Variants in STEAP4 observed in about 807,000 individuals in gnomAD.
STEAP4 encodes the protein STEAP4 metalloreductase.
In STEAP4, 36 loss-of-function variants were observed where a neutral mutation model predicts 43.6. The ratio of observed to expected loss-of-function variants is 0.83; its 90% CI spans 0.63 to 1.09. STEAP4 has a LOEUF of 1.09. STEAP4 is among the 50% of genes least tolerant of loss of function. The pLI, the probability that STEAP4 is intolerant of heterozygous loss-of-function variation, is 0.00. For synonymous variants in STEAP4, 191 were observed against 196.7 expected, an observed-to-expected ratio of 0.97 and a Z score of 0.24; for missense variants, 495 against 546.5, an observed-to-expected ratio of 0.91 and a Z score of 0.94.
intron 1 of STEAP4, among the ~76,000 whole-genome samples, chr7:88,288,849 T>C (rs1408895792): frequency 6.6e-6 from 1 of 152,100 alleles, no homozygotes; most frequent in Non-Finnish European, 1.5e-5. Context: ...AAGTTAAAAC[T>C]AAACTGAAAT....
chr7:88,291,653 A>G (rs1440716127), intron 1 of STEAP4, among the ~76,000 whole-genome samples: 1 of 152,190 alleles, frequency 6.6e-6, no homozygotes, highest in African/African-American at 2.4e-5. Flanking sequence ...ATATACGTTC[A>G]TGGAGGTTCC....
chr7:88,274,092 G>A lies in STEAP4; in HGVS notation c.*5306C>T, dbSNP rs1852477107. On this transcript the variant is annotated 3_prime_UTR_variant, in exon 5 of 5. Coordinates refer to ENST00000380079, the MANE Select transcript of STEAP4 (RefSeq NM_024636.4). Reference sequence around the variant, plus strand: ...TTATATCGTTGTGTTAAAAGGAGATGGGCCTGGAGTCAGACTGCCTAGATC... The same window carrying A: ...TTATATCGTTGTGTTAAAAGGAGATAGGCCTGGAGTCAGACTGCCTAGATC... 6.6e-6 allele frequency: 1 copy of A among 152,178 alleles called. No homozygotes were observed. Among genetic ancestry groups the A allele is most frequent in the African/African-American group, 2.4e-5 (1 of 41,446 alleles). The allele number at this position is 152,178 out of a possible 1,614,324, so 9.4% of individuals were successfully genotyped here. A position where few individuals can be genotyped will look rare whatever the true frequency, so the allele number is the denominator to read the frequency against.
At chr7:88,282,291 G>A (rs2115955328) in intron 3 of STEAP4, 1 of 211,146 alleles carries the variant, frequency 4.7e-6, no homozygotes, top group Non-Finnish European at 9.5e-6. Flanking sequence ...TGGGATTAGA[G>A]GTACCCGCCA....
rs554215541 is a variant in STEAP4, at chr7:88,293,269, C to A, written c.-2-8998G>T. On this transcript the variant is annotated intron_variant, in intron 1 of 4. Transcript: ENST00000380079. ...CTGTGTGTCCTCTTTGGTGAGAAGT[C>A]TCTTCATGTATTTTGCTTATTTTCT... Among the ~76,000 whole-genome samples, 58 of 152,046 alleles carry A rather than the reference C, an allele frequency of 3.8e-4. 1 individual carries two copies. In the Middle Eastern group the frequency reaches 0.01, roughly 27 times the overall value.
chr7:88,300,037 G>T (rs1373622763), intron 1 of STEAP4, among the ~76,000 whole-genome samples: 3 of 152,196 alleles, frequency 2.0e-5, no homozygotes. Context: ...AGATGGAGCT[G>T]CTGGCTATAA....
intron 1 of STEAP4, among the ~76,000 whole-genome samples, chr7:88,285,081 C>T (rs937330629): frequency 4.0e-5 from 6 of 151,894 alleles, no homozygotes; most frequent in Admixed American, 6.6e-5. Context: ...TCCAGATGAT[C>T]GAACTAGATC....
chr7:88,277,904 T>C lies in STEAP4; in HGVS notation c.*1494A>G, dbSNP rs1286529655. On this transcript the variant is annotated 3_prime_UTR_variant, in exon 5 of 5. Transcript: ENST00000380079. ...ATAATAAAAAGGAAAACAAAGCCTT[T>C]AGAAAAACAAAGCCTTTGAAAAAGG... 3 of 151,872 alleles carry C rather than the reference T, an allele frequency of 2.0e-5. No individual in the cohort carries two copies. The allele number at this position is 151,872 out of a possible 1,614,324, so 9.4% of individuals were successfully genotyped here.
intron 1 of STEAP4, among the ~76,000 whole-genome samples, chr7:88,285,395 C>T (rs1258648428): frequency 2.0e-5 from 3 of 152,106 alleles, no homozygotes; most frequent in East Asian, 1.9e-4. Context: ...AAGGCTCACA[C>T]AACGTCAGTT....
At chr7:88,303,682 T>C (rs1853078971) in intron 1 of STEAP4, among the ~76,000 whole-genome samples, 1 of 152,158 alleles carries the variant, frequency 6.6e-6, no homozygotes, top group Admixed American at 6.5e-5. Flanking sequence ...TTTAGTAGAA[T>C]AGTGTGTTCT....
At chr7:88,283,411 A>ATGG (rs2115960820) in intron 2 of STEAP4, 3 of 497,366 alleles carry the variant, frequency 6.0e-6, no homozygotes. Flanking sequence ...TATAAAAGAC[A>ATGG]TGGTTCTCCA....
chr7:88,285,553 T>C (rs936791037), intron 1 of STEAP4, among the ~76,000 whole-genome samples: 3 of 152,042 alleles, frequency 2.0e-5, no homozygotes, highest in African/African-American at 4.8e-5. Context: ...CAGTGGCTTA[T>C]GCCTGTAATC....
At chr7:88,283,370 T>C (rs1275185801) in intron 2 of STEAP4, 1 of 556,406 alleles carries the variant, frequency 1.8e-6, no homozygotes, top group Non-Finnish European at 3.0e-6. Context: ...CCAGGGTTTT[T>C]AGTTGATGAT....
intron 1 of STEAP4, among the ~76,000 whole-genome samples, chr7:88,297,409 G>A (rs1368961636): frequency 2.0e-5 from 3 of 152,170 alleles, no homozygotes; most frequent in Non-Finnish European, 2.9e-5. Flanking sequence ...GAGACAGAGA[G>A]GGAGACTAGT....
rs781743937 is a variant in STEAP4, at chr7:88,283,992, G to A, written c.278C>T (p.Thr93Ile). 2 of 1,613,994 alleles carry A rather than the reference G, an allele frequency of 1.2e-6. No individual in the cohort carries two copies. Among genetic ancestry groups the A allele is most frequent in the Non-Finnish European group, 1.7e-6 (2 of 1,180,024 alleles). ...REHYDFLTELTEVLNGKILVD... is the reference protein window; with the variant it reads ...REHYDFLTELIEVLNGKILVD... ...CAATATTTTTCCATTGAGAACCTCAGTTAATTCTGTGAGAAAATCATAATG... is the reference window on the plus strand; with the variant it reads ...CAATATTTTTCCATTGAGAACCTCAATTAATTCTGTGAGAAAATCATAATG... The change falls in exon 2 of 5, where the codon ACT (threonine) becomes ATT (isoleucine). Residue 93 changes from threonine to isoleucine, a missense_variant. Thr to Ile is a moderately conservative substitution (Grantham distance 89). Transcript: ENST00000380079.
chr7:88,272,453 A>G lies in STEAP4; in HGVS notation c.*6945T>C, dbSNP rs564693850. ...CTTCCAGTATAAACTCTTTTACAAG[A>G]AGCCTTGCCTCAGGATCGGTTTTTA... On this transcript the variant is annotated 3_prime_UTR_variant, in exon 5 of 5. Transcript: ENST00000380079. 1.3e-5 allele frequency: 2 copies of G among 152,312 alleles called. No homozygotes were observed. Among genetic ancestry groups the G allele is most frequent in the South Asian group, 2.1e-4 (1 of 4,820 alleles). The allele number at this position is 152,312 out of a possible 1,614,324, so 9.4% of individuals were successfully genotyped here.
At chr7:88,300,260 G>A (rs894467995) in intron 1 of STEAP4, among the ~76,000 whole-genome samples, 8 of 152,194 alleles carry the variant, frequency 5.3e-5, no homozygotes, top group African/African-American at 1.4e-4. Flanking sequence ...CGAAGCTGGA[G>A]TGCAGCGGTG....
Position 88,272,509 on chromosome 7 carries a change from C to T in STEAP4, c.*6889G>A, listed in dbSNP as rs1162573187. On this transcript the variant is annotated 3_prime_UTR_variant, in exon 5 of 5. Transcript: ENST00000380079. Reference sequence around the variant, plus strand: ...GCCAAGCCAAGCCAGGTTGTTAGGCCTACGTTTGAGCACTGTGCAAAGTGT... The same window carrying T: ...GCCAAGCCAAGCCAGGTTGTTAGGCTTACGTTTGAGCACTGTGCAAAGTGT... 6.6e-6 allele frequency: 1 copy of T among 152,156 alleles called. No individual in the cohort carries two copies. The highest frequency in any genetic ancestry group is 2.4e-5 in the African/African-American group (1 of 41,400). The allele number at this position is 152,156 out of a possible 1,614,324, so 9.4% of individuals were successfully genotyped here. A position where few individuals can be genotyped will look rare whatever the true frequency, so the allele number is the denominator to read the frequency against.
chr7:88,278,044 A>G lies in STEAP4; in HGVS notation c.*1354T>C, dbSNP rs1460494202. On this transcript the variant is annotated 3_prime_UTR_variant, in exon 5 of 5. Coordinates refer to ENST00000380079, the MANE Select transcript of STEAP4 (RefSeq NM_024636.4). Reference sequence around the variant, plus strand: ...ATCATTTTTGTATAATGTCATGTATAATATGTTATAATGAAAGTAAAAAAA... The same window carrying G: ...ATCATTTTTGTATAATGTCATGTATGATATGTTATAATGAAAGTAAAAAAA... 6.6e-6 allele frequency: 1 copy of G among 151,630 alleles called. No homozygotes were observed. The highest frequency in any genetic ancestry group is 2.4e-5 in the African/African-American group (1 of 41,260). 9.4% of individuals were successfully genotyped at this position (151,630 alleles called of 1,614,324 possible).
chr7:88,301,791 A>G (rs1238813660), intron 1 of STEAP4, among the ~76,000 whole-genome samples: 1 of 151,552 alleles, frequency 6.6e-6, no homozygotes, highest in African/African-American at 2.4e-5. Context: ...GGCCAGGCTC[A>G]TCTTGAACTC....
Sources: gnomAD v4.1 joint callset for allele counts (sites outside exome capture counted in the v4.1 genomes callset) on GRCh38, gnomAD v4.1.1 for gene constraint, MANE v1.5 for transcripts, NCBI Gene and HGNC (gene_info 2026-07-23, HGNC 2026-07-21) for gene names.